The following TBC1D32 variants were observed in gnomAD, a reference collection of about 807,000 sequenced individuals.
TBC1D32 encodes protein broad-minded.
In TBC1D32, 151 loss-of-function variants were observed where a neutral mutation model predicts 170.3. That is an observed-to-expected ratio of 0.89 (90% CI 0.78 to 1.01). The LOEUF is 1.01. TBC1D32 is among the 50% of genes least tolerant of loss of function. The pLI, the probability that TBC1D32 is intolerant of heterozygous loss-of-function variation, is 0.00. For missense variants in TBC1D32, 1,464 were observed against 1,457.1 expected, an observed-to-expected ratio of 1.00 and a Z score of -0.08; for synonymous variants, 498 against 488.0, an observed-to-expected ratio of 1.02 and a Z score of -0.27.
intron 24 of TBC1D32, among the ~76,000 whole-genome samples, chr6:121,137,645 A>G (rs1782279964): frequency 6.6e-6 from 1 of 151,858 alleles, no homozygotes; most frequent in Non-Finnish European, 1.5e-5. Flanking sequence ...TAATCTTTTT[A>G]TATTTGGGGA....
intron 22 of TBC1D32, among the ~76,000 whole-genome samples, chr6:121,201,668 C>T (rs1399394405): frequency 6.6e-6 from 1 of 150,948 alleles, no homozygotes; most frequent in Non-Finnish European, 1.5e-5. Flanking sequence ...CTATAAAATT[C>T]AGTTCAAATT....
At chr6:121,314,004 G>T (rs555695306) in intron 3 of TBC1D32, among the ~76,000 whole-genome samples, 1 of 152,260 alleles carries the variant, frequency 6.6e-6, no homozygotes, top group Admixed American at 6.5e-5. Context: ...CTGAATGAGA[G>T]GAGAAAGGCC....
intron 16 of TBC1D32, 96 bp from the exon 17 acceptor site, chr6:121,255,506 A>ATTTATATTTATAT (rs1563099593): frequency 9.9e-5 from 18 of 181,604 alleles, no homozygotes; most frequent in Non-Finnish European, 1.5e-4. Context: ...TTATAATTAT[A>ATTTATATTTATAT]TTTATAATTA....
Position 121,205,090 on chromosome 6 carries a change from T to G in TBC1D32, c.2555A>C (p.His852Pro). ...IRSLFNYEQS[H>P]IFGLRDFIID... is the part of the protein sequence containing the mutation. ...AGCATTTTACCTTAGACCAAAGATATGTGATTGTTCATAGTTGAATAAAGA... is the reference window on the plus strand; with the variant it reads ...AGCATTTTACCTTAGACCAAAGATAGGTGATTGTTCATAGTTGAATAAAGA... Residue 852 changes from histidine to proline, a missense_variant, in exon 22 of 32, where the codon CAT (histidine) becomes CCT (proline). This residue lies in a region of TBC1D32 where 1,363 missense variants were observed against 1,338.1 expected (regional missense o/e 1.02). Coordinates refer to ENST00000398212, the MANE Select transcript of TBC1D32 (RefSeq NM_152730.6). 6.6e-7 allele frequency: 1 copy of G among 1,519,454 alleles called. No homozygotes were observed. The highest frequency in any genetic ancestry group is 8.9e-7 in the Non-Finnish European group (1 of 1,122,570). The allele number at this position is 1,519,454 out of a possible 1,614,324, so 94.1% of individuals were successfully genotyped here.
intron 21 of TBC1D32, among the ~76,000 whole-genome samples, chr6:121,207,937 A>G (rs1202289695): frequency 6.6e-6 from 1 of 152,126 alleles, no homozygotes; most frequent in Non-Finnish European, 1.5e-5. Flanking sequence ...TAATGTCCCA[A>G]TAGTTCCGCA....
intron 17 of TBC1D32, among the ~76,000 whole-genome samples, chr6:121,247,609 G>T (rs754371064): frequency 1.4e-5 from 2 of 145,668 alleles, no homozygotes; most frequent in Non-Finnish European, 3.0e-5. Flanking sequence ...TTGAGGTAAA[G>T]GGGTGAAAAA....
Position 121,317,553 on chromosome 6 carries a change from T to C in TBC1D32, c.437A>G (p.Glu146Gly). The C allele has an allele frequency of 4.3e-6, 7 of 1,613,116 alleles. No individual in the cohort carries two copies. The highest frequency in any genetic ancestry group is 5.9e-6 in the Non-Finnish European group (7 of 1,179,446). ...GTCTGTGCGGTAACTATGGCTTTTC[T>C]CCTTTTGGATTTTTTTCTGCCTTTC... ...NQERQKKIQK[E>G]KSHSYRTDNC... Residue 146 changes from glutamate (E) to glycine (G), a missense_variant, in exon 3 of 32, where the codon GAG (glutamate) becomes GGG (glycine). By Grantham distance (98) the Glu-to-Gly change is moderately conservative. Around this residue, in one of 3 missense-constraint regions of TBC1D32, gnomAD observed 1,363 missense variants for 1,338.1 expected, o/e 1.02. Transcript: ENST00000398212.
intron 26 of TBC1D32, among the ~76,000 whole-genome samples, chr6:121,122,015 A>C (rs1426654434): frequency 1.3e-5 from 2 of 151,990 alleles, no homozygotes; most frequent in African/African-American, 2.4e-5. Context: ...ATCTCAAACA[A>C]CAAAAAAGCC....
chr6:121,296,465 T>C (rs1450338221), intron 10 of TBC1D32, among the ~76,000 whole-genome samples: 1 of 152,124 alleles, frequency 6.6e-6, no homozygotes, highest in Non-Finnish European at 1.5e-5. Context: ...CTACCAAATC[T>C]AAAAATCATT....
chr6:121,271,898 C>G (rs1280421659), intron 15 of TBC1D32, among the ~76,000 whole-genome samples: 2 of 152,052 alleles, frequency 1.3e-5, no homozygotes, highest in Non-Finnish European at 2.9e-5. Flanking sequence ...GGTACTGGTA[C>G]CAAAACAGAG....
At chr6:121,309,190 T>C (rs1257904504) in intron 4 of TBC1D32, among the ~76,000 whole-genome samples, 1 of 152,218 alleles carries the variant, frequency 6.6e-6, no homozygotes, top group Non-Finnish European at 1.5e-5. Context: ...GATTTAAGAT[T>C]AGGAATTCAT....
In TBC1D32 at chr6:121,241,559, G is replaced by A. The variant is rs2128362238; in HGVS notation, c.2158-7C>T. 6.2e-7 allele frequency: 1 copy of A among 1,611,156 alleles called. No individual in the cohort carries two copies. The stretch of plus-strand genomic sequence containing the variant: ...ATTTTTTATGCCTGCTGACCTAACA[G>A]CATAAATAAGGAACAGCAATGAAAA... On this transcript the variant is annotated splice_region_variant and splice_polypyrimidine_tract_variant and intron_variant, in intron 18 of 31. Coordinates refer to ENST00000398212, the MANE Select transcript of TBC1D32 (RefSeq NM_152730.6).
chr6:121,236,589 T>C (rs1470832897), intron 20 of TBC1D32, among the ~76,000 whole-genome samples: 3 of 152,044 alleles, frequency 2.0e-5, no homozygotes, highest in Admixed American at 6.6e-5. Flanking sequence ...CTACAATGAG[T>C]TGTCATTTCT....
intron 19 of TBC1D32, among the ~76,000 whole-genome samples, chr6:121,241,241 C>T (rs990921758): frequency 2.0e-5 from 3 of 151,948 alleles, no homozygotes; most frequent in African/African-American, 7.3e-5. Context: ...GGCAACAGAA[C>T]AAGGTTGTAT....
chr6:121,220,634 CTTTT>C (rs1383166408), intron 21 of TBC1D32, among the ~76,000 whole-genome samples: 2 of 128,036 alleles, frequency 1.6e-5, no homozygotes, highest in South Asian at 4.7e-4. Flanking sequence ...AGAGATTTTT[CTTTT>C]TCTTTTTTTT....
chr6:121,257,055 T>C (rs926623054), intron 15 of TBC1D32, among the ~76,000 whole-genome samples: 3 of 152,194 alleles, frequency 2.0e-5, no homozygotes, highest in Admixed American at 1.3e-4. Flanking sequence ...GCGCATTAGA[T>C]TGTTGTAGTT....
intron 12 of TBC1D32, among the ~76,000 whole-genome samples, chr6:121,289,622 T>C (rs1804497338): frequency 6.6e-6 from 1 of 152,178 alleles, no homozygotes; most frequent in Admixed American, 6.5e-5. Context: ...TACCAATGAC[T>C]TTCCTCACAG....
intron 30 of TBC1D32, 110 bp downstream of exon 30, chr6:121,105,913 A>T: frequency 8.2e-7 from 1 of 1,222,416 alleles, no homozygotes; most frequent in Non-Finnish European, 1.1e-6. Flanking sequence ...TGAGGATTTT[A>T]AATACACTTT....
At chr6:121,139,718 A>C (rs1339972030) in intron 24 of TBC1D32, 2 of 152,176 alleles carry the variant, frequency 1.3e-5, no homozygotes, top group Non-Finnish European at 2.9e-5. Context: ...TAAGGTGATA[A>C]AATATGTAGG....
Sources: allele counts gnomAD v4.1 joint callset (sites outside exome capture counted in the v4.1 genomes callset), GRCh38; gene constraint gnomAD v4.1.1; regional missense constraint gnomAD v4.1.1; transcripts MANE v1.5; gene names NCBI Gene and HGNC (gene_info 2026-07-23, HGNC 2026-07-21).